Variants in TLR7 observed in about 807,000 individuals in gnomAD.
TLR7 encodes the protein toll-like receptor 7.
A neutral mutation model predicts 38.3 loss-of-function variants in TLR7; 12 were observed. That is an observed-to-expected ratio of 0.31 (90% CI 0.20 to 0.51). The LOEUF is 0.51. TLR7 is among the 20% of genes least tolerant of loss of function. TLR7 has a pLI of 0.98. For synonymous variants in TLR7, 285 were observed against 293.8 expected, an observed-to-expected ratio of 0.97 and a Z score of 0.31; for missense variants, 504 against 743.4, an observed-to-expected ratio of 0.68 and a Z score of 3.74.
intron 2 of TLR7, chrX:12,877,727 G>A (rs2042877854): frequency 9.0e-6 from 1 of 110,635 alleles, no homozygotes; most frequent in Admixed American, 9.7e-5. Context: ...GAGTCCGTCT[G>A]CAGCTCCACT....
intron 2 of TLR7, among the ~76,000 whole-genome samples, chrX:12,869,765 A>T (rs895147176): frequency 1.5e-4 from 16 of 107,815 alleles, no homozygotes; most frequent in African/African-American, 5.5e-4. Flanking sequence ...AAATAATTTT[A>T]AAAAAACAAA....
rs2042924546 is a variant in TLR7, at chrX:12,889,718, G to T, written c.*1060G>T. Reference sequence around the variant, plus strand: ...TAAATGTTTTTATCTGCACTGCAAAGTACTGTATCCAAAGTAAAATTTCCT... The same window carrying T: ...TAAATGTTTTTATCTGCACTGCAAATTACTGTATCCAAAGTAAAATTTCCT... On this transcript the variant is annotated 3_prime_UTR_variant, in exon 3 of 3. Coordinates refer to ENST00000380659, the MANE Select transcript of TLR7 (RefSeq NM_016562.4). 8.9e-6 allele frequency: 1 copy of T among 112,924 alleles called. No homozygotes were observed. The highest frequency in any genetic ancestry group is 1.9e-5 in the Non-Finnish European group (1 of 53,373). 9.3% of individuals were successfully genotyped at this position (112,924 alleles called of 1,213,427 possible). A position where few individuals can be genotyped will look rare whatever the true frequency, so the allele number is the denominator to read the frequency against.
At chrX:12,879,563 C>T (rs1156656752) in intron 2 of TLR7, among the ~76,000 whole-genome samples, 4 of 111,652 alleles carry the variant, frequency 3.6e-5, no homozygotes, top group Non-Finnish European at 7.5e-5. Context: ...GTTGCTGTGC[C>T]ATCCCTAGCT....
At position 12,889,303 on chromosome X, in the gene TLR7, C is replaced by T; in HGVS notation, c.*645C>T. Reference sequence around the variant, plus strand: ...ATCCCAGCTACTTGGGAGGCTGAGGCAGGAGAATCGCTTGAACCCGGGAGG... The same window carrying T: ...ATCCCAGCTACTTGGGAGGCTGAGGTAGGAGAATCGCTTGAACCCGGGAGG... On this transcript the variant is annotated 3_prime_UTR_variant, in exon 3 of 3. Coordinates refer to ENST00000380659, the MANE Select transcript of TLR7 (RefSeq NM_016562.4). 1 of 112,985 alleles carries T rather than the reference C, an allele frequency of 8.9e-6. No homozygotes were observed. The allele number at this position is 112,985 out of a possible 1,213,427, so 9.3% of individuals were successfully genotyped here. A position where few individuals can be genotyped will look rare whatever the true frequency, so the allele number is the denominator to read the frequency against.
intron 2 of TLR7, chrX:12,877,677 G>C (rs929677642): frequency 1.8e-5 from 2 of 110,718 alleles, no homozygotes; most frequent in African/African-American, 6.6e-5. Flanking sequence ...GGGGTTTCAG[G>C]TTCAAAGGGA....
intron 2 of TLR7, among the ~76,000 whole-genome samples, chrX:12,871,058 T>C (rs771838572): frequency 8.9e-6 from 1 of 112,093 alleles, no homozygotes; most frequent in East Asian, 2.8e-4. Flanking sequence ...CCTTTTATTC[T>C]TTTAGTTTGA....
At chrX:12,878,001 G>T (rs1208686052) in intron 2 of TLR7, among the ~76,000 whole-genome samples, 1 of 111,961 alleles carries the variant, frequency 8.9e-6, no homozygotes, top group African/African-American at 3.2e-5. Flanking sequence ...TGGAGTATAT[G>T]TAAAGACAAA....
intron 2 of TLR7, among the ~76,000 whole-genome samples, chrX:12,883,523 A>C (rs780607079): frequency 8.9e-6 from 1 of 111,955 alleles, no homozygotes; most frequent in African/African-American, 3.2e-5. Flanking sequence ...AAAAAATAAA[A>C]TAAAATAAGA....
At position 12,888,443 on chromosome X, in the gene TLR7, A is replaced by C. The variant is rs753528685; in HGVS notation, c.2935A>C (p.Met979Leu). 2.5e-6 allele frequency: 3 copies of C among 1,209,992 alleles called. No homozygotes were observed. The African/African-American group carries it at 5.2e-5, about 21-fold the overall frequency. Residue 979 changes from methionine to leucine, a missense_variant, in exon 3 of 3, where the codon ATG (methionine) becomes CTG (leucine). Transcript: ENST00000380659. ...IAFYLSHQRL[M>L]DEKVDVIILI... ...ATTTTACTTGTCCCATCAGAGGCTC[A>C]TGGATGAAAAAGTTGATGTGATTAT...
intron 2 of TLR7, 112 bp from the exon 3 acceptor site, chrX:12,885,400 C>G: frequency 1.4e-6 from 1 of 693,503 alleles, no homozygotes. Context: ...GAAAATAAGA[C>G]CTGAATTGTT....
In TLR7 at chrX:12,867,523, C is replaced by G; in HGVS notation, c.-56C>G. ...ATCTCAAGCTGATCTTGGCACCTCT[C>G]ATGCTCTGCTCTCTTCAACCAGACC... On this transcript the variant is annotated 5_prime_UTR_variant, in exon 2 of 3. Transcript: ENST00000380659. The G allele has an allele frequency of 8.5e-7, 1 of 1,173,333 alleles. No homozygotes were observed.
At chrX:12,882,011 C>T (rs191774685) in intron 2 of TLR7, among the ~76,000 whole-genome samples, 45 of 110,963 alleles carry the variant, frequency 4.1e-4, no homozygotes, top group African/African-American at 1.4e-3. Flanking sequence ...TGGTAATGAC[C>T]GGGCTGTGGG....
Position 12,888,460 on chromosome X carries a change from T to C in TLR7, c.2952T>C (p.Asp984=). The change falls in exon 3 of 3, where the codon GAT becomes GAC. Residue 984 remains aspartate (D), a synonymous_variant. Coordinates refer to ENST00000380659, the MANE Select transcript of TLR7 (RefSeq NM_016562.4). ...SHQRLMDEKV[D]VIILIFLEKP... is the part of the protein sequence containing the mutation. ...AGAGGCTCATGGATGAAAAAGTTGA[T>C]GTGATTATCTTGATATTTCTTGAGA... 4 of 1,211,480 alleles carry C rather than the reference T, an allele frequency of 3.3e-6. No homozygotes were observed. The highest frequency in any genetic ancestry group is 1.8e-5 in the South Asian group (1 of 56,969).
chrX:12,868,870 G>A (rs982548696), intron 2 of TLR7, among the ~76,000 whole-genome samples: 27 of 111,969 alleles, frequency 2.4e-4, no homozygotes, highest in African/African-American at 8.5e-4. Flanking sequence ...AAACCCAGAT[G>A]TCTATTTTAA....
chrX:12,882,450 TG>T (rs1296377494), intron 2 of TLR7, among the ~76,000 whole-genome samples: 1 of 103,837 alleles, frequency 9.6e-6, no homozygotes, highest in Non-Finnish European at 2.0e-5. Flanking sequence ...TAGAAATAAG[TG>T]GGGGGCGGGG....
intron 2 of TLR7, among the ~76,000 whole-genome samples, chrX:12,885,082 A>G (rs965668621): frequency 1.8e-5 from 2 of 112,544 alleles, no homozygotes; most frequent in African/African-American, 6.5e-5. Context: ...GACTCATGTA[A>G]TGTGTACCAG....
Position 12,886,276 on chromosome X carries a change from A to C in TLR7, c.768A>C (p.Leu256=). Residue 256 remains leucine (L), a synonymous_variant, in exon 3 of 3, where the codon CTA becomes CTC. Transcript: ENST00000380659. The part of the protein sequence containing the change: ...NNLNQLQILD[L]SGNCPRCYNA... The stretch of plus-strand genomic sequence containing the variant: ...TCAACCAATTACAAATTCTTGACCT[A>C]AGTGGAAATTGCCCTCGTTGTTATA... 8.3e-7 allele frequency: 1 copy of C among 1,211,668 alleles called. No individual in the cohort carries two copies. The highest frequency in any genetic ancestry group is 1.1e-6 in the Non-Finnish European group (1 of 895,309).
intron 2 of TLR7, among the ~76,000 whole-genome samples, chrX:12,880,993 G>A (rs1057217623): frequency 3.6e-5 from 4 of 110,217 alleles, no homozygotes; most frequent in Non-Finnish European, 5.7e-5. Flanking sequence ...TTGGGAGGCC[G>A]AGGTGGGTGG....
At position 12,876,925 on chromosome X, in the gene TLR7, TA is replaced by T. The variant is rs36117973; in HGVS notation, c.4-8574del. Among the ~76,000 whole-genome samples, 109 of 98,691 alleles carry T rather than the reference TA, an allele frequency of 1.1e-3. 1 individual carries two copies. In the South Asian group the frequency reaches 0.021, roughly 19 times the overall value. The allele number at this position is 98,691 out of a possible 115,157, so 85.7% of individuals were successfully genotyped here. On this transcript the variant is annotated intron_variant, in intron 2 of 2. Coordinates refer to ENST00000380659, the MANE Select transcript of TLR7 (RefSeq NM_016562.4). ...CATGTCTTTAGGCAATCATTACAAATAAAAAAAAAAAAACCGAAGCAAAACA... is the reference window on the plus strand; with the variant it reads ...CATGTCTTTAGGCAATCATTACAAATAAAAAAAAAAAACCGAAGCAAAACA...
Sources: gnomAD v4.1 joint callset for allele counts (sites outside exome capture counted in the v4.1 genomes callset) on GRCh38, gnomAD v4.1.1 for gene constraint, MANE v1.5 for transcripts, NCBI Gene and HGNC (gene_info 2026-07-23, HGNC 2026-07-21) for gene names.